UTRN: variants seen among roughly 807,000 people sequenced by gnomAD.
UTRN encodes the protein utrophin.
UTRN carries 283 observed loss-of-function variants against 463.9 expected under a neutral mutation model. That is an observed-to-expected ratio of 0.61 (90% CI 0.55 to 0.67). The LOEUF is 0.67. UTRN is among the 30% of genes least tolerant of loss of function. UTRN has a pLI of 0.00. For missense variants in UTRN, 3,922 were observed against 4,084.3 expected (o/e 0.96, Z 1.08); for synonymous variants, 1,442 against 1,431.5 (o/e 1.01, Z -0.17).
chr6:144,344,341 G>A (rs1285599441), intron 2 of UTRN: 3 of 1,303,704 alleles, frequency 2.3e-6, no homozygotes, highest in Non-Finnish European at 3.0e-6. Flanking sequence ...CAGCCAGTGA[G>A]GTTTTCTTAA....
At chr6:144,350,183 T>G (rs564542219) in intron 2 of UTRN, among the ~76,000 whole-genome samples, 60 of 152,262 alleles carry the variant, frequency 3.9e-4, no homozygotes, top group Admixed American at 3.6e-3. Flanking sequence ...AATACGTTTT[T>G]GACTCCAAAT....
chr6:144,799,260 T>C (rs1269234987), intron 64 of UTRN: 1 of 338,254 alleles, frequency 3.0e-6, no homozygotes, highest in Non-Finnish European at 6.0e-6. Context: ...ACATAAGAAA[T>C]GAAAATTCAA....
At chr6:144,745,937 A>C (rs1186691225) in intron 54 of UTRN, among the ~76,000 whole-genome samples, 1 of 151,544 alleles carries the variant, frequency 6.6e-6, no homozygotes, top group East Asian at 1.9e-4. Context: ...TATCTTAGAC[A>C]TAACATTTTA....
intron 19 of UTRN, among the ~76,000 whole-genome samples, chr6:144,458,204 A>G (rs1370066236): frequency 6.6e-6 from 1 of 152,186 alleles, no homozygotes; most frequent in Non-Finnish European, 1.5e-5. Context: ...CAAGGTCTCC[A>G]GTGGGCTTGC....
chr6:144,382,408 C>T (rs945087402), intron 2 of UTRN, among the ~76,000 whole-genome samples: 1 of 152,166 alleles, frequency 6.6e-6, no homozygotes, highest in Non-Finnish European at 1.5e-5. Flanking sequence ...CACCTGATTC[C>T]TTAAGCCTGG....
chr6:144,376,939 A>G (rs1780515211), intron 2 of UTRN, among the ~76,000 whole-genome samples: 1 of 152,198 alleles, frequency 6.6e-6, no homozygotes, highest in African/African-American at 2.4e-5. Context: ...CAGATTAGAA[A>G]AATATGCACC....
At chr6:144,687,341 G>A (rs1156958437) in intron 52 of UTRN, among the ~76,000 whole-genome samples, 4 of 152,070 alleles carry the variant, frequency 2.6e-5, no homozygotes, top group African/African-American at 9.7e-5. Context: ...GATTCTTATA[G>A]ACTCAAGGTA....
At chr6:144,713,920 CAAAA>C (rs535219098) in intron 53 of UTRN, among the ~76,000 whole-genome samples, 2 of 101,172 alleles carry the variant, frequency 2.0e-5, no homozygotes, top group Non-Finnish European at 2.2e-5. Context: ...AACTCTGTCT[CAAAA>C]AAAAAAAAAA....
intron 74 of UTRN, among the ~76,000 whole-genome samples, chr6:144,848,888 T>C (rs1782247350): frequency 6.6e-6 from 1 of 152,186 alleles, no homozygotes; most frequent in African/African-American, 2.4e-5. Context: ...AATGGAGTCA[T>C]ATAGTCTGAT....
At chr6:144,765,932 G>C (rs892665656) in intron 58 of UTRN, among the ~76,000 whole-genome samples, 1 of 151,624 alleles carries the variant, frequency 6.6e-6, no homozygotes, top group Non-Finnish European at 1.5e-5. Flanking sequence ...TTTCTCTTAA[G>C]TTAATTTTTG....
At chr6:144,480,098 G>C (rs1278798317) in intron 26 of UTRN, 116 bp downstream of exon 26, 7 of 1,233,664 alleles carry the variant, frequency 5.7e-6, no homozygotes, top group Non-Finnish European at 7.5e-6. Flanking sequence ...ATCTTTCACA[G>C]TAGGTTTTTG....
intron 51 of UTRN, among the ~76,000 whole-genome samples, chr6:144,649,171 A>G (rs563755974): frequency 6.6e-6 from 1 of 152,274 alleles, no homozygotes; most frequent in South Asian, 2.1e-4. Flanking sequence ...ATTTGAATAG[A>G]TTTAAAAAAA....
At chr6:144,802,468 A>G (rs991464733) in intron 64 of UTRN, among the ~76,000 whole-genome samples, 1 of 152,172 alleles carries the variant, frequency 6.6e-6, no homozygotes, top group Admixed American at 6.6e-5. Flanking sequence ...TTCGGAGAAG[A>G]TGTTTTCCAC....
chr6:144,575,604 G>T (rs938030390), intron 50 of UTRN, among the ~76,000 whole-genome samples: 1 of 152,060 alleles, frequency 6.6e-6, no homozygotes, highest in Non-Finnish European at 1.5e-5. Context: ...ACAGTATATT[G>T]TTATGATTGT....
intron 71 of UTRN, 30 bp from the exon 72 acceptor site, chr6:144,839,143 C>A (rs751445676): frequency 1.3e-6 from 2 of 1,548,618 alleles, no homozygotes; most frequent in Non-Finnish European, 1.8e-6. Context: ...TGAATCCTTT[C>A]TCTGCTTTAA....
chr6:144,625,556 T>G (rs1775857841), intron 51 of UTRN, among the ~76,000 whole-genome samples: 1 of 152,198 alleles, frequency 6.6e-6, no homozygotes, highest in Non-Finnish European at 1.5e-5. Flanking sequence ...CCATTAGAAT[T>G]CATTTAGATT....
chr6:144,419,555 C>T (rs903429205), intron 3 of UTRN, among the ~76,000 whole-genome samples: 2 of 152,216 alleles, frequency 1.3e-5, no homozygotes, highest in African/African-American at 2.4e-5. Flanking sequence ...CTACTGGGTA[C>T]TGTGTTCACT....
chr6:144,741,746 T>C (rs78689275), intron 54 of UTRN, among the ~76,000 whole-genome samples: 2,478 of 152,300 alleles, frequency 0.016, 67 homozygotes, highest in African/African-American at 0.054. Context: ...TGGTTGTCTG[T>C]TCCAGGGTCT....
chr6:144,773,889 C>T (rs1323658681), intron 59 of UTRN, among the ~76,000 whole-genome samples: 4 of 152,072 alleles, frequency 2.6e-5, no homozygotes, highest in African/African-American at 9.7e-5. Flanking sequence ...GTTTTCATGA[C>T]CCACCTTGGG....
Sources: allele counts gnomAD v4.1 joint callset (sites outside exome capture counted in the v4.1 genomes callset), GRCh38; gene constraint gnomAD v4.1.1; transcripts MANE v1.5; gene names NCBI Gene and HGNC (gene_info 2026-07-23, HGNC 2026-07-21).